PARN: variants seen among roughly 807,000 people sequenced by gnomAD.
PARN encodes poly(A)-specific ribonuclease PARN.
A neutral mutation model predicts 102.8 loss-of-function variants in PARN; 71 were observed. The ratio of observed to expected loss-of-function variants is 0.69; its 90% confidence interval spans 0.57 to 0.84. The LOEUF (loss-of-function observed/expected upper bound fraction) is 0.84, where lower values mean the gene tolerates loss of function less well. PARN is among the 40% of genes least tolerant of loss of function. The pLI is 0.00. For missense variants in PARN, 782 were observed against 760.9 expected (o/e 1.03, Z -0.33); for synonymous variants, 261 against 252.9 (o/e 1.03, Z -0.30).
intron 22 of PARN, among the ~76,000 whole-genome samples, chr16:14,464,003 T>C (rs1426622420): frequency 6.6e-6 from 1 of 152,096 alleles, no homozygotes; most frequent in Admixed American, 6.5e-5. Context: ...CCAGCTAATT[T>C]TTTTGTGTGT....
chr16:14,562,373 C>T (rs1380498174), intron 18 of PARN, among the ~76,000 whole-genome samples: 1 of 150,628 alleles, frequency 6.6e-6, no homozygotes, highest in African/African-American at 2.4e-5. Flanking sequence ...CAGGAGGAGC[C>T]CCTGAGCCTG....
chr16:14,595,453 C>T (rs931606661), intron 12 of PARN, among the ~76,000 whole-genome samples: 4 of 152,206 alleles, frequency 2.6e-5, no homozygotes. Context: ...CAGCCTCAAA[C>T]TCCCATGCTC....
At chr16:14,628,876 G>C (rs1357166496) in intron 2 of PARN, among the ~76,000 whole-genome samples, 1 of 152,102 alleles carries the variant, frequency 6.6e-6, no homozygotes, top group Non-Finnish European at 1.5e-5. Context: ...TTAAAAACTA[G>C]TCTTTGCTCC....
At chr16:14,626,707 G>T (rs1388650875) in intron 5 of PARN, among the ~76,000 whole-genome samples, 3 of 151,572 alleles carry the variant, frequency 2.0e-5, no homozygotes, top group African/African-American at 7.3e-5. Context: ...CACCTCCCAG[G>T]TTCACGCCAT....
At chr16:14,550,421 A>G (rs1967221511) in intron 21 of PARN, among the ~76,000 whole-genome samples, 1 of 152,222 alleles carries the variant, frequency 6.6e-6, no homozygotes, top group African/African-American at 2.4e-5. Flanking sequence ...CATTTACTTA[A>G]TCTCATGGAA....
At chr16:14,460,099 C>A (rs1961882174) in intron 22 of PARN, among the ~76,000 whole-genome samples, 1 of 152,120 alleles carries the variant, frequency 6.6e-6, no homozygotes, top group East Asian at 1.9e-4. Context: ...ATATAAGAAG[C>A]GTAAGCCATA....
chr16:14,610,529 C>T (rs1971463343), intron 7 of PARN, 115 bp downstream of exon 7: 3 of 563,664 alleles, frequency 5.3e-6, no homozygotes, highest in Admixed American at 2.9e-5. Context: ...CTGCCATTCA[C>T]AACATCACAC....
intron 16 of PARN, among the ~76,000 whole-genome samples, chr16:14,582,708 C>G (rs1969606879): frequency 6.6e-6 from 1 of 152,048 alleles, no homozygotes; most frequent in Non-Finnish European, 1.5e-5. Flanking sequence ...AGCATGGGCT[C>G]TGGAGTCACA....
chr16:14,589,841 T>C (rs968255655), intron 13 of PARN, among the ~76,000 whole-genome samples: 1 of 151,550 alleles, frequency 6.6e-6, no homozygotes, highest in Admixed American at 6.6e-5. Flanking sequence ...CACTCCAGCC[T>C]AGGTGACAGA....
Position 14,544,061 on chromosome 16 carries a change from G to A in PARN, c.1480+7960C>T, listed in dbSNP as rs1567367428. Reference sequence around the variant, plus strand: ...TACAAAATTAGCCAGGCATGGGGGTGCATGCCTGTAATCCCAGCTACTTGG... The same window carrying A: ...TACAAAATTAGCCAGGCATGGGGGTACATGCCTGTAATCCCAGCTACTTGG... On this transcript the variant is annotated intron_variant, in intron 21 of 23. Transcript: ENST00000437198. Among the ~76,000 whole-genome samples, 4 of 152,262 alleles carry A rather than the reference G, an allele frequency of 2.6e-5. No individual in the cohort carries two copies. The South Asian group carries it at 8.3e-4, about 32-fold the overall frequency.
intron 13 of PARN, among the ~76,000 whole-genome samples, chr16:14,589,511 G>T (rs1970043113): frequency 1.3e-5 from 2 of 151,952 alleles, no homozygotes; most frequent in Non-Finnish European, 2.9e-5. Flanking sequence ...GCTGCAGTGA[G>T]CCAAGATGGC....
At chr16:14,623,432 TG>T (rs1440467057) in intron 5 of PARN, among the ~76,000 whole-genome samples, 1 of 151,846 alleles carries the variant, frequency 6.6e-6, no homozygotes, top group African/African-American at 2.4e-5. Context: ...GAGGATCGCT[TG>T]AACCCAGGAG....
At chr16:14,528,627 G>A (rs934187937) in intron 21 of PARN, among the ~76,000 whole-genome samples, 1 of 152,168 alleles carries the variant, frequency 6.6e-6, no homozygotes, top group Non-Finnish European at 1.5e-5. Flanking sequence ...ATGTGGGGGG[G>A]AAAGTGGACA....
intron 11 of PARN, among the ~76,000 whole-genome samples, chr16:14,602,247 T>G (rs2151784171): frequency 6.6e-6 from 1 of 152,250 alleles, no homozygotes; most frequent in South Asian, 2.1e-4. Context: ...TCTCCTCCCT[T>G]GGCTGTGTAC....
At chr16:14,603,047 A>C (rs1480658772) in intron 11 of PARN, among the ~76,000 whole-genome samples, 1 of 152,030 alleles carries the variant, frequency 6.6e-6, no homozygotes, top group African/African-American at 2.4e-5. Flanking sequence ...CAGCCTCCCA[A>C]GTAGCTAGGA....
intron 23 of PARN, among the ~76,000 whole-genome samples, chr16:14,442,712 G>C (rs1213570102): frequency 6.6e-6 from 1 of 152,062 alleles, no homozygotes; most frequent in Non-Finnish European, 1.5e-5. Flanking sequence ...CAGCCTCCTG[G>C]GCTTAAGCGA....
At chr16:14,602,733 C>G (rs1970951832) in intron 11 of PARN, among the ~76,000 whole-genome samples, 1 of 152,132 alleles carries the variant, frequency 6.6e-6, no homozygotes, top group Non-Finnish European at 1.5e-5. Context: ...CTCCCACCCC[C>G]TTCCCTGTCA....
At chr16:14,585,781 T>G (rs1233418252) in intron 14 of PARN, among the ~76,000 whole-genome samples, 1 of 152,024 alleles carries the variant, frequency 6.6e-6, no homozygotes, top group African/African-American at 2.4e-5. Context: ...AGATGAGAGA[T>G]AAGAAAAAAG....
intron 21 of PARN, among the ~76,000 whole-genome samples, chr16:14,539,862 C>A (rs1161820234): frequency 1.3e-5 from 2 of 152,166 alleles, no homozygotes; most frequent in Non-Finnish European, 2.9e-5. Flanking sequence ...GAAAAAATTG[C>A]GTCTGTACTG....
Sources: gnomAD v4.1 joint callset for allele counts (sites outside exome capture counted in the v4.1 genomes callset) on GRCh38, gnomAD v4.1.1 for gene constraint, MANE v1.5 for transcripts, NCBI Gene and HGNC (gene_info 2026-07-23, HGNC 2026-07-21) for gene names.